SLC10A2: variants seen among roughly 807,000 people sequenced by gnomAD.
SLC10A2 encodes ileal sodium/bile acid cotransporter.
In SLC10A2, 34 loss-of-function variants were observed where a neutral mutation model predicts 27.1. That is an observed-to-expected ratio of 1.26 (90% CI 0.96 to 1.67). The LOEUF (loss-of-function observed/expected upper bound fraction) is 1.67. SLC10A2 is among the 40% of genes most tolerant of loss of function. The pLI, the probability that SLC10A2 is intolerant of heterozygous loss-of-function variation, is 0.00. For missense variants in SLC10A2, 530 were observed against 444.4 expected (o/e 1.19, Z -1.73); for synonymous variants, 205 against 174.0 (o/e 1.18, Z -1.40).
chr13:103,052,763 A>G, intron 2 of SLC10A2, 55 bp from the exon 3 acceptor site: 1 of 1,099,966 alleles, frequency 9.1e-7, no homozygotes, highest in South Asian at 1.2e-5. Flanking sequence ...CAGGAAAGAG[A>G]AAAACAGAAG....
rs992737232 is a variant in SLC10A2 at position 103,049,350 on chromosome 13, T to C, written c.858A>G (p.Val286=). ...LSFTPEELNV[V]FTFPLIYSIF... is the part of the protein sequence containing the mutation. Reference sequence around the variant, plus strand: ...TGCTGTAGATGAGCGGGAAGGTGAATACGACATTGAGCTCCTCAGGAGTGA... The same window carrying C: ...TGCTGTAGATGAGCGGGAAGGTGAACACGACATTGAGCTCCTCAGGAGTGA... The change falls in exon 5 of 6, where the codon GTA becomes GTG. Residue 286 remains valine, a synonymous_variant. Transcript: ENST00000245312. 3 of 1,613,868 alleles carry C rather than the reference T, an allele frequency of 1.9e-6. No homozygotes were observed. Among genetic ancestry groups the C allele is most frequent in the East Asian group, 2.2e-5 (1 of 44,884 alleles).
At chr13:103,049,970 G>C (rs1322757816) in intron 4 of SLC10A2, among the ~76,000 whole-genome samples, 1 of 151,628 alleles carries the variant, frequency 6.6e-6, no homozygotes, top group African/African-American at 2.4e-5. Flanking sequence ...GCCACATAAT[G>C]AGACCCTGTT....
Position 103,046,084 on chromosome 13 carries a change from A to G in SLC10A2, c.*49T>C. On this transcript the variant is annotated 3_prime_UTR_variant, in exon 6 of 6. Transcript: ENST00000245312. The stretch of plus-strand genomic sequence containing the variant: ...CCAAAACAAATAATTAAATATAGTT[A>G]CGGTTTAAGAACGTAATTTGGAACT... 2 of 1,604,946 alleles carry G rather than the reference A, an allele frequency of 1.2e-6. No homozygotes were observed. Among genetic ancestry groups the G allele is most frequent in the South Asian group, 1.1e-5 (1 of 90,816 alleles).
chr13:103,058,229 G>T, intron 2 of SLC10A2, 35 bp downstream of exon 2: 1 of 1,202,688 alleles, frequency 8.3e-7, no homozygotes. Context: ...GAGTTTGAGG[G>T]TAACAGTCAA....
At chr13:103,050,401 T>C (rs192400919) in intron 4 of SLC10A2, among the ~76,000 whole-genome samples, 175 of 152,288 alleles carry the variant, frequency 1.1e-3, no homozygotes, top group Non-Finnish European at 1.1e-3. Context: ...ACCTGTGTTC[T>C]CTCTGCCTGT....
At chr13:103,058,075 T>C (rs1434066560) in intron 2 of SLC10A2, among the ~76,000 whole-genome samples, 189 bp downstream of exon 2, 1 of 152,036 alleles carries the variant, frequency 6.6e-6, no homozygotes, top group Non-Finnish European at 1.5e-5. Context: ...GGTTCTCCCA[T>C]AAGGTCAAGG....
intron 1 of SLC10A2, among the ~76,000 whole-genome samples, chr13:103,061,772 G>A (rs1876127276): frequency 6.6e-6 from 1 of 152,136 alleles, no homozygotes; most frequent in Non-Finnish European, 1.5e-5. Flanking sequence ...GTAGCTGGAA[G>A]TTGATGCTAT....
chr13:103,052,610 G>C lies in SLC10A2; in HGVS notation c.585+10C>G, dbSNP rs759549982. On this transcript the variant is annotated intron_variant, in intron 3 of 5. Coordinates refer to ENST00000245312, the MANE Select transcript of SLC10A2 (RefSeq NM_000452.3). ...GTGGAATATTTAATGGTGTGAACTG[G>C]GATACTTACTTTAAGTATGATCTTT... is the stretch of plus-strand genomic sequence containing the variant. 6.5e-7 allele frequency: 1 copy of C among 1,538,152 alleles called. No homozygotes were observed. The highest frequency in any genetic ancestry group is 1.1e-5 in the South Asian group (1 of 89,494).
At chr13:103,058,509 G>C (rs552260164) in intron 1 of SLC10A2, 127 bp from the exon 2 acceptor site, 2 of 686,798 alleles carry the variant, frequency 2.9e-6, no homozygotes, top group Non-Finnish European at 5.3e-6. Flanking sequence ...TGTTATATAG[G>C]TCAACTTGTG....
Position 103,046,014 on chromosome 13 carries a change from T to A in SLC10A2, c.*119A>T, listed in dbSNP as rs555177219. The A allele has an allele frequency of 3.1e-6, 4 of 1,275,842 alleles. No individual in the cohort carries two copies. In the African/African-American group the frequency reaches 5.9e-5, roughly 19 times the overall value. The allele number at this position is 1,275,842 out of a possible 1,614,324, so 79.0% of individuals were successfully genotyped here. On this transcript the variant is annotated 3_prime_UTR_variant, in exon 6 of 6. Transcript: ENST00000245312. The stretch of plus-strand genomic sequence containing the variant: ...ACTGAAACCAATACATGAATTCCAA[T>A]GAAATTCCAATTTTCACTTTAACTC...
rs572727015 is a variant in SLC10A2 at position 103,046,722 on chromosome 13, C to T, written c.920-462G>A. Among the ~76,000 whole-genome samples the T allele has an allele frequency of 4.6e-5, 7 of 152,288 alleles. No individual in the cohort carries two copies. The East Asian group carries it at 7.7e-4, about 17-fold the overall frequency. Reference sequence around the variant, plus strand: ...CCCTGCCTTCATTCAATCTTTCCCCCGGAGAGAAGAGACTCGGCTGATGGG... The same window carrying T: ...CCCTGCCTTCATTCAATCTTTCCCCTGGAGAGAAGAGACTCGGCTGATGGG... On this transcript the variant is annotated intron_variant, in intron 5 of 5. Transcript: ENST00000245312.
intron 1 of SLC10A2, among the ~76,000 whole-genome samples, chr13:103,059,672 A>G (rs1009401860): frequency 1.3e-5 from 2 of 152,172 alleles, no homozygotes; most frequent in African/African-American, 4.8e-5. Context: ...TGGGTGTGCC[A>G]TCCTTCAAAC....
At chr13:103,061,891 T>C (rs1340247398) in intron 1 of SLC10A2, among the ~76,000 whole-genome samples, 2 of 152,002 alleles carry the variant, frequency 1.3e-5, no homozygotes, top group South Asian at 4.1e-4. Context: ...CAAAAGAAAA[T>C]ATTATCTTAC....
At chr13:103,049,267 T>C (rs760534480) in intron 5 of SLC10A2, 22 bp downstream of exon 5, 27 of 1,612,186 alleles carry the variant, frequency 1.7e-5, no homozygotes, top group Middle Eastern at 3.3e-4. Context: ...TATCATGAAA[T>C]GGGATTGGCA....
intron 2 of SLC10A2, among the ~76,000 whole-genome samples, chr13:103,053,349 T>C (rs558803560): frequency 2.0e-5 from 3 of 152,308 alleles, no homozygotes; most frequent in Non-Finnish European, 2.9e-5. Context: ...AAATTTTCCA[T>C]GAGATAATAT....
chr13:103,045,987 G>GT lies in SLC10A2; in HGVS notation c.*145dup. The GT allele has an allele frequency of 1.2e-6, 1 of 868,038 alleles. No homozygotes were observed. Among genetic ancestry groups the GT allele is most frequent in the Non-Finnish European group, 1.8e-6 (1 of 544,858 alleles). The allele number at this position is 868,038 out of a possible 1,614,324, so 53.8% of individuals were successfully genotyped here. On this transcript the variant is annotated 3_prime_UTR_variant, in exon 6 of 6. Coordinates refer to ENST00000245312, the MANE Select transcript of SLC10A2 (RefSeq NM_000452.3). The stretch of plus-strand genomic sequence containing the variant: ...AAAGAATTGGGCCACCAGTCACTTG[G>GT]TACTGAAACCAATACATGAATTCCA...
Position 103,066,233 on chromosome 13 carries a change from C to T in SLC10A2, c.17G>A (p.Ser6Asn), listed in dbSNP as rs200992938. MNDPN[S>N]CVDNATVCSG... is the part of the protein sequence containing the mutation. Reference sequence around the variant, plus strand: ...GCAAACTGTTGCATTGTCCACACAGCTGTTCGGATCATTCATTGCTGGGTC... The same window carrying T: ...GCAAACTGTTGCATTGTCCACACAGTTGTTCGGATCATTCATTGCTGGGTC... Residue 6 changes from serine (S) to asparagine (N), a missense_variant, in exon 1 of 6, where the codon AGC becomes AAC. Ser to Asn is a conservative substitution (Grantham distance 46, BLOSUM62 1). Transcript: ENST00000245312. The T allele has an allele frequency of 1.1e-5, 18 of 1,605,704 alleles. No individual in the cohort carries two copies. The highest frequency in any genetic ancestry group is 1.4e-5 in the Non-Finnish European group (17 of 1,173,564).
intron 2 of SLC10A2, 70 bp downstream of exon 2, chr13:103,058,194 G>A (rs1875995209): frequency 1.1e-6 from 1 of 933,732 alleles, no homozygotes; most frequent in Admixed American, 1.7e-5. Context: ...AGCCTGGTCT[G>A]AGAGCCTAGC....
intron 1 of SLC10A2, among the ~76,000 whole-genome samples, chr13:103,062,643 T>C (rs555295798): frequency 6.6e-6 from 1 of 152,224 alleles, no homozygotes; most frequent in Non-Finnish European, 1.5e-5. Context: ...GATTGATTGC[T>C]GTGAATTTGT....
Sources: gnomAD v4.1 joint callset for allele counts (sites outside exome capture counted in the v4.1 genomes callset) on GRCh38, gnomAD v4.1.1 for gene constraint, MANE v1.5 for transcripts, NCBI Gene and HGNC (gene_info 2026-07-23, HGNC 2026-07-21) for gene names.